DSG2: variants seen among roughly 807,000 people sequenced by gnomAD.
The protein encoded by DSG2 is desmoglein 2, also known as desmoglein-2.
In DSG2, 45 loss-of-function variants were observed where a neutral mutation model predicts 75.6. The ratio of observed to expected loss-of-function variants is 0.60; its 90% CI spans 0.47 to 0.76. The LOEUF is 0.76. DSG2 is among the 30% of genes least tolerant of loss of function. The probability of loss-of-function intolerance (pLI) is 0.00; values close to 1 mark genes in which losing one functional copy is unlikely to be tolerated. For missense variants in DSG2, 1,267 were observed against 1,357.4 expected (o/e 0.93, Z 1.05); for synonymous variants, 429 against 483.9 (o/e 0.89, Z 1.49).
At chr18:31,532,560 G>A (rs1458355370) in intron 9 of DSG2, among the ~76,000 whole-genome samples, 1 of 152,098 alleles carries the variant, frequency 6.6e-6, no homozygotes, top group Non-Finnish European at 1.5e-5. Context: ...TTTCCTTTTA[G>A]TGAATCGCCT....
chr18:31,516,439 G>A (rs1016730252), intron 1 of DSG2, among the ~76,000 whole-genome samples: 2 of 152,168 alleles, frequency 1.3e-5, no homozygotes, highest in East Asian at 3.9e-4. Flanking sequence ...AGGTACAGAG[G>A]TGTGACTAGA....
At chr18:31,540,225 C>T (rs1315653193) in intron 12 of DSG2, among the ~76,000 whole-genome samples, 1 of 152,178 alleles carries the variant, frequency 6.6e-6, no homozygotes, top group Non-Finnish European at 1.5e-5. Flanking sequence ...TGAAACCAGT[C>T]CCTGGTGTCA....
At position 31,541,334 on chromosome 18, in the gene DSG2, A is replaced by G. The variant is rs746383404; in HGVS notation, c.2001+20A>G. On this transcript the variant is annotated intron_variant, in intron 13 of 14. Coordinates refer to ENST00000261590, the MANE Select transcript of DSG2 (RefSeq NM_001943.5). The stretch of plus-strand genomic sequence containing the variant: ...GACAAGGTCAGTGGATCAGATGTCA[A>G]TATGACTTGTCTTCTTCTTGGGTTT... 3.7e-5 allele frequency: 60 copies of G among 1,613,606 alleles called. No homozygotes were observed. Among genetic ancestry groups the G allele is most frequent in the Admixed American group, 3.2e-4 (19 of 59,982 alleles).
Position 31,542,647 on chromosome 18 carries a change from A to G in DSG2, c.2129A>G (p.Glu710Gly). Residue 710 changes from glutamate to glycine, a missense_variant, in exon 14 of 15, where the codon GAG becomes GGG. By Grantham distance (98) the Glu-to-Gly change is moderately conservative (BLOSUM62 -2). Coordinates refer to ENST00000261590, the MANE Select transcript of DSG2 (RefSeq NM_001943.5). ...SSASIVKGQH[E>G]MSEMDGRWEE... The stretch of plus-strand genomic sequence containing the variant: ...GCTTCCATTGTCAAAGGGCAACATG[A>G]GATGTCCGAGATGGATGGAAGGTGG... 1 of 1,614,098 alleles carries G rather than the reference A, an allele frequency of 6.2e-7. No individual in the cohort carries two copies. Among genetic ancestry groups the G allele is most frequent in the South Asian group, 1.1e-5 (1 of 91,088 alleles).
At chr18:31,499,357 C>CGTGT (rs34693299) in intron 1 of DSG2, among the ~76,000 whole-genome samples, 4,211 of 149,702 alleles carry the variant, frequency 0.028, 61 homozygotes, top group Non-Finnish European at 0.036. Flanking sequence ...GGAAGAAAAT[C>CGTGT]GTGTGTGTGT....
chr18:31,540,623 G>A (rs1024745028), intron 12 of DSG2, among the ~76,000 whole-genome samples: 5 of 152,182 alleles, frequency 3.3e-5, no homozygotes, highest in Admixed American at 3.3e-4. Context: ...AATCTAGGCA[G>A]TAGCCAGTTC....
chr18:31,547,087 A>T lies in DSG2; in HGVS notation c.*344A>T. 2.6e-6 allele frequency: 1 copy of T among 385,142 alleles called. No individual in the cohort carries two copies. The highest frequency in any genetic ancestry group is 4.9e-6 in the Non-Finnish European group (1 of 203,038). 23.9% of individuals were successfully genotyped at this position (385,142 alleles called of 1,614,324 possible). ...AGAGTACCTAGTTCATCAGCCGTCC[A>T]GTAAAGCAACCCAGGAAACTGACTG... On this transcript the variant is annotated 3_prime_UTR_variant, in exon 15 of 15. Transcript: ENST00000261590.
At chr18:31,508,383 TTTTATTTTATTTTATTTTATTTA>T (rs1393975231) in intron 1 of DSG2, among the ~76,000 whole-genome samples, 4 of 151,362 alleles carry the variant, frequency 2.6e-5, no homozygotes, top group Admixed American at 1.3e-4. Flanking sequence ...TTTTATTTTA[TTTTATTTTATTTTATTTTATTTA>T]TTCTTGAGAT....
chr18:31,546,873 TCA>T lies in DSG2; in HGVS notation c.*131_*132del, dbSNP rs1177090586. On this transcript the variant is annotated 3_prime_UTR_variant, in exon 15 of 15. Coordinates refer to ENST00000261590, the MANE Select transcript of DSG2 (RefSeq NM_001943.5). ...ATACACATTGATCTTAAAATTTTTCTCAGTCACTGATATGCAAAGGACCACAC... is the reference window on the plus strand; with the variant it reads ...ATACACATTGATCTTAAAATTTTTCTGTCACTGATATGCAAAGGACCACAC... The T allele has an allele frequency of 1.0e-5, 10 of 998,772 alleles. No homozygotes were observed. Among genetic ancestry groups the T allele is most frequent in the Non-Finnish European group, 9.4e-6 (6 of 638,298 alleles). The allele number at this position is 998,772 out of a possible 1,614,324, so 61.9% of individuals were successfully genotyped here.
intron 3 of DSG2, 97 bp downstream of exon 3, chr18:31,520,034 A>G (rs1598810193): frequency 1.4e-6 from 2 of 1,462,140 alleles, no homozygotes; most frequent in Non-Finnish European, 1.9e-6. Flanking sequence ...AAAATGTATG[A>G]TGTGCTTACA....
At chr18:31,500,084 G>T (rs1278442004) in intron 1 of DSG2, among the ~76,000 whole-genome samples, 1 of 149,562 alleles carries the variant, frequency 6.7e-6, no homozygotes, top group Non-Finnish European at 1.5e-5. Context: ...TCTGACAGAA[G>T]TAGTTGCCAA....
At chr18:31,502,606 C>G (rs2073019267) in intron 1 of DSG2, among the ~76,000 whole-genome samples, 1 of 152,168 alleles carries the variant, frequency 6.6e-6, no homozygotes, top group South Asian at 2.1e-4. Context: ...AAAAAATTAG[C>G]TGGGTGTGGT....
At chr18:31,537,488 A>G (rs1284199462) in intron 11 of DSG2, among the ~76,000 whole-genome samples, 4 of 151,794 alleles carry the variant, frequency 2.6e-5, no homozygotes, top group South Asian at 4.1e-4. Flanking sequence ...GCGTGGTGGC[A>G]GGCACCTGTA....
At chr18:31,509,992 C>G (rs2073058396) in intron 1 of DSG2, among the ~76,000 whole-genome samples, 1 of 152,200 alleles carries the variant, frequency 6.6e-6, no homozygotes, top group South Asian at 2.1e-4. Flanking sequence ...ACCAGGGATC[C>G]TCTGGGCAGT....
intron 1 of DSG2, among the ~76,000 whole-genome samples, chr18:31,503,416 T>G (rs2073023828): frequency 6.6e-6 from 1 of 152,212 alleles, no homozygotes; most frequent in South Asian, 2.1e-4. Context: ...CTAAAAGGCC[T>G]GAAAATGATA....
chr18:31,529,197 G>A (rs956119092), intron 8 of DSG2, among the ~76,000 whole-genome samples: 1 of 152,134 alleles, frequency 6.6e-6, no homozygotes, highest in Non-Finnish European at 1.5e-5. Context: ...TTACAGAGTT[G>A]TAAAAAATAG....
At position 31,545,806 on chromosome 18, in the gene DSG2, T is replaced by C. The variant is rs1384172051; in HGVS notation, c.2420T>C (p.Leu807Pro). 3.7e-6 allele frequency: 6 copies of C among 1,614,114 alleles called. No individual in the cohort carries two copies. The highest frequency in any genetic ancestry group is 4.2e-6 in the Non-Finnish European group (5 of 1,180,048). Reference protein sequence around the residue: ...LVYSQEETESLNASIGCCSFI... With the variant: ...LVYSQEETESPNASIGCCSFI... ...TATTCTCAGGAAGAAACTGAATCGC[T>C]GAATGCTTCTATTGGTTGTTGCAGT... The change falls in exon 15 of 15, where the codon CTG (leucine) becomes CCG (proline). Residue 807 changes from leucine (L) to proline (P), a missense_variant. Leu to Pro is a moderately conservative substitution (Grantham distance 98). Coordinates refer to ENST00000261590, the MANE Select transcript of DSG2 (RefSeq NM_001943.5).
intron 1 of DSG2, among the ~76,000 whole-genome samples, chr18:31,514,107 G>A (rs1176218957): frequency 6.6e-6 from 1 of 152,150 alleles, no homozygotes; most frequent in South Asian, 2.1e-4. Context: ...AACATTAGTG[G>A]GGGAAATGGT....
intron 9 of DSG2, among the ~76,000 whole-genome samples, chr18:31,533,353 G>T (rs930278199): frequency 3.4e-4 from 51 of 152,068 alleles, no homozygotes; most frequent in Admixed American, 3.1e-3. Flanking sequence ...GCACATGTTT[G>T]TAGTCCCCAC....
Sources: allele counts gnomAD v4.1 joint callset (sites outside exome capture counted in the v4.1 genomes callset), GRCh38; gene constraint gnomAD v4.1.1; transcripts MANE v1.5; gene names NCBI Gene and HGNC (gene_info 2026-07-23, HGNC 2026-07-21).